Variants in DPF3 observed in about 807,000 individuals in gnomAD.
DPF3 encodes the protein zinc finger protein DPF3.
In DPF3, 18 loss-of-function variants were observed where a neutral mutation model predicts 56.8. The ratio of observed to expected loss-of-function variants is 0.32; its 90% CI spans 0.22 to 0.47. The LOEUF is 0.47. Ranked by LOEUF, DPF3 falls within the 20% of genes least tolerant of loss-of-function variation. The pLI is 1.00. For missense variants in DPF3, 403 were observed against 488.8 expected (o/e 0.82, Z 1.65); for synonymous variants, 188 against 180.2 (o/e 1.04, Z -0.35).
chr14:72,804,887 C>G (rs1371320527), intron 1 of DPF3, among the ~76,000 whole-genome samples: 1 of 152,150 alleles, frequency 6.6e-6, no homozygotes, highest in Non-Finnish European at 1.5e-5. Context: ...TATATCACAG[C>G]CACTAACTAG....
chr14:72,801,811 C>A (rs1892903841), intron 1 of DPF3, among the ~76,000 whole-genome samples: 1 of 152,188 alleles, frequency 6.6e-6, no homozygotes, highest in Non-Finnish European at 1.5e-5. Flanking sequence ...ACGGGAGGAC[C>A]TTTCATCTCA....
chr14:72,754,809 A>T (rs527268073), intron 2 of DPF3, among the ~76,000 whole-genome samples: 9 of 152,342 alleles, frequency 5.9e-5, no homozygotes, highest in Middle Eastern at 6.8e-3. Context: ...AAACAAAGTC[A>T]ATTATCCCAG....
chr14:72,652,392 G>C (rs974429888), intron 8 of DPF3, among the ~76,000 whole-genome samples: 1 of 152,150 alleles, frequency 6.6e-6, no homozygotes, highest in African/African-American at 2.4e-5. Context: ...TGGAGCATTC[G>C]TTCCCCAAAT....
At chr14:72,639,085 G>T (rs1885469513) in intron 8 of DPF3, among the ~76,000 whole-genome samples, 1 of 152,190 alleles carries the variant, frequency 6.6e-6, no homozygotes. Flanking sequence ...CCAAAGTGCT[G>T]GGATTACAGG....
chr14:72,635,481 T>C (rs1440386088), intron 8 of DPF3, among the ~76,000 whole-genome samples: 1 of 152,162 alleles, frequency 6.6e-6, no homozygotes, highest in African/African-American at 2.4e-5. Flanking sequence ...CACAGATAAA[T>C]ATCCAGGCAA....
intron 1 of DPF3, among the ~76,000 whole-genome samples, chr14:72,772,468 C>T (rs1258033853): frequency 6.6e-6 from 1 of 152,142 alleles, no homozygotes; most frequent in Non-Finnish European, 1.5e-5. Flanking sequence ...TGTAGAGGAA[C>T]AGGCACCAAT....
intron 8 of DPF3, among the ~76,000 whole-genome samples, chr14:72,660,239 A>G (rs974847089): frequency 2.6e-5 from 4 of 152,200 alleles, no homozygotes; most frequent in Non-Finnish European, 5.9e-5. Context: ...AAGGAAAAAA[A>G]AAACCCTAAG....
chr14:72,707,811 AT>A (rs35089717), intron 6 of DPF3, among the ~76,000 whole-genome samples: 57,628 of 146,524 alleles, frequency 0.39, 12,344 homozygotes, highest in Non-Finnish European at 0.51. Flanking sequence ...TTTTTCCTCT[AT>A]TTTTTTTTTT....
At chr14:72,804,508 C>T (rs1237161065) in intron 1 of DPF3, among the ~76,000 whole-genome samples, 1 of 152,178 alleles carries the variant, frequency 6.6e-6, no homozygotes, top group Non-Finnish European at 1.5e-5. Context: ...CTTTCACATT[C>T]ATATGAGGGT....
intron 8 of DPF3, among the ~76,000 whole-genome samples, chr14:72,664,680 C>T (rs972783505): frequency 1.3e-5 from 2 of 152,108 alleles, no homozygotes; most frequent in South Asian, 4.2e-4. Context: ...GAGACTTCTC[C>T]ATTCTTTCTG....
chr14:72,719,549 A>C (rs1889080809), intron 5 of DPF3, among the ~76,000 whole-genome samples: 1 of 152,240 alleles, frequency 6.6e-6, no homozygotes, highest in South Asian at 2.1e-4. Context: ...ACCACAGTAC[A>C]TAAATAAATA....
chr14:72,681,443 C>A (rs1017490244), intron 7 of DPF3, among the ~76,000 whole-genome samples: 1 of 152,122 alleles, frequency 6.6e-6, no homozygotes, highest in Non-Finnish European at 1.5e-5. Flanking sequence ...CAGCTGGCCC[C>A]AGAGTCTTGA....
At position 72,713,469 on chromosome 14, in the gene DPF3, G is replaced by A. The variant is rs377361668; in HGVS notation, c.604+954C>T. On this transcript the variant is annotated intron_variant, in intron 6 of 10. Transcript: ENST00000556509. ...CTTCAGGGAGACTGCAGACCCTGGC[G>A]AGATGGGTGGGACACCCAGAGGGAG... Among the ~76,000 whole-genome samples the A allele has an allele frequency of 7.2e-5, 11 of 152,282 alleles. No individual in the cohort carries two copies. The East Asian group carries it at 1.4e-3, about 19-fold the overall frequency.
At chr14:72,768,933 C>CTGTGTG (rs10543093) in intron 2 of DPF3, among the ~76,000 whole-genome samples, 2,155 of 146,486 alleles carry the variant, frequency 0.015, 33 homozygotes, top group African/African-American at 0.038. Flanking sequence ...GTGTGAGTGT[C>CTGTGTG]TGTGTGTGTG....
At chr14:72,709,105 C>A (rs1044215758) in intron 6 of DPF3, among the ~76,000 whole-genome samples, 2 of 152,260 alleles carry the variant, frequency 1.3e-5, no homozygotes, top group African/African-American at 2.4e-5. Flanking sequence ...AGACCCTAGA[C>A]CCTATTCTGA....
chr14:72,690,708 A>G (rs966743649), intron 7 of DPF3, among the ~76,000 whole-genome samples: 1 of 152,190 alleles, frequency 6.6e-6, no homozygotes, highest in Non-Finnish European at 1.5e-5. Flanking sequence ...AATGAGACAC[A>G]GACAGACAAG....
chr14:72,695,975 T>A (rs1228769825), intron 6 of DPF3, among the ~76,000 whole-genome samples: 2 of 152,214 alleles, frequency 1.3e-5, no homozygotes, highest in Non-Finnish European at 2.9e-5. Flanking sequence ...TCCATGTGAC[T>A]CAGGAAGCTG....
intron 1 of DPF3, among the ~76,000 whole-genome samples, chr14:72,840,322 TA>T (rs1884494008): frequency 6.6e-6 from 1 of 152,198 alleles, no homozygotes; most frequent in Non-Finnish European, 1.5e-5. Flanking sequence ...TTTATTTATT[TA>T]TACACATAAT....
intron 6 of DPF3, among the ~76,000 whole-genome samples, chr14:72,706,547 C>G (rs370235756): frequency 5.2e-4 from 79 of 152,254 alleles, no homozygotes; most frequent in African/African-American, 1.9e-3. Context: ...CACCATACAC[C>G]GGAGGACATG....
Sources: allele counts gnomAD v4.1 joint callset (sites outside exome capture counted in the v4.1 genomes callset), GRCh38; gene constraint gnomAD v4.1.1; transcripts MANE v1.5; gene names NCBI Gene and HGNC (gene_info 2026-07-23, HGNC 2026-07-21).